FNDC3B: variants seen among roughly 807,000 people sequenced by gnomAD.
The protein encoded by FNDC3B is fibronectin type III domain-containing protein 3B.
Under a neutral mutation model 151.5 loss-of-function variants are expected in FNDC3B, and 12 were observed. The observed-to-expected ratio is 0.08, with a 90% CI of 0.05 to 0.13. The LOEUF is 0.13. Ranked by LOEUF, FNDC3B falls within the 10% of genes least tolerant of loss-of-function variation. The pLI, the probability that FNDC3B is intolerant of heterozygous loss-of-function variation, is 1.00. For synonymous variants in FNDC3B, 528 were observed against 549.0 expected (o/e 0.96, Z 0.54); for missense variants, 1,214 against 1,505.3 (o/e 0.81, Z 3.20).
At chr3:172,209,358 TG>T in intron 3 of FNDC3B, among the ~76,000 whole-genome samples, 1 of 152,076 alleles carries the variant, frequency 6.6e-6, no homozygotes, top group Non-Finnish European at 1.5e-5. Flanking sequence ...TGCTGTTTGG[TG>T]GGTCTCGAGT....
chr3:172,164,845 T>A (rs983895266), intron 3 of FNDC3B, among the ~76,000 whole-genome samples: 2 of 152,246 alleles, frequency 1.3e-5, no homozygotes, highest in Admixed American at 6.5e-5. Context: ...GGTAACAAAT[T>A]ACTGTGTTTA....
intron 3 of FNDC3B, among the ~76,000 whole-genome samples, chr3:172,188,293 C>G (rs890076569): frequency 2.0e-5 from 3 of 152,076 alleles, no homozygotes; most frequent in African/African-American, 4.8e-5. Flanking sequence ...CTGTGCCTGG[C>G]CTTTAAGCAA....
chr3:172,192,900 T>C (rs903321107), intron 3 of FNDC3B, among the ~76,000 whole-genome samples: 7 of 152,016 alleles, frequency 4.6e-5, no homozygotes, highest in African/African-American at 1.2e-4. Flanking sequence ...ACCAACCAGT[T>C]TGAGTTTTTG....
intron 6 of FNDC3B, among the ~76,000 whole-genome samples, chr3:172,257,399 C>A (rs1433004487): frequency 2.6e-5 from 4 of 152,092 alleles, no homozygotes; most frequent in Non-Finnish European, 5.9e-5. Context: ...TAGAACATGT[C>A]ATTTCACTAA....
chr3:172,040,395 C>T lies in FNDC3B; in HGVS notation c.-29+624C>T, dbSNP rs928204843. On this transcript the variant is annotated intron_variant, in intron 1 of 25. Transcript: ENST00000415807. The surrounding 1 kb of genome is among the most constrained non-coding windows in gnomAD (Gnocchi z 6.6). ...GGTCCCGAGCCCGCGCCGGCCTGGC[C>T]CCCCCGTCCCCGGCTGGGCCTCTCC... Among the ~76,000 whole-genome samples, 4 of 151,900 alleles carry T rather than the reference C, an allele frequency of 2.6e-5. No individual in the cohort carries two copies. The highest frequency in any genetic ancestry group is 6.5e-5 in the Admixed American group (1 of 15,268).
At chr3:172,308,948 G>A (rs1731329615) in intron 10 of FNDC3B, among the ~76,000 whole-genome samples, 2 of 152,166 alleles carry the variant, frequency 1.3e-5, no homozygotes, top group Admixed American at 1.3e-4. Flanking sequence ...GGATCCCGGG[G>A]TCTTATAAAC....
intron 4 of FNDC3B, among the ~76,000 whole-genome samples, chr3:172,229,758 A>G (rs140408506): frequency 1.3e-5 from 2 of 152,356 alleles, no homozygotes; most frequent in East Asian, 1.9e-4. Context: ...AGAGATTCAT[A>G]TATATTCTTA....
chr3:172,399,083 T>C lies in FNDC3B; in HGVS notation c.*1608T>C, dbSNP rs1294383257. 2.0e-5 allele frequency: 3 copies of C among 152,676 alleles called. No homozygotes were observed. The highest frequency in any genetic ancestry group is 2.1e-4 in the South Asian group (1 of 4,834). 9.5% of individuals were successfully genotyped at this position (152,676 alleles called of 1,614,324 possible). ...GATCTTTATTGTCTAAGATGCAGTA[T>C]CCTGTACTAGCTTATAATATTCCCA... is the stretch of plus-strand genomic sequence containing the variant. On this transcript the variant is annotated 3_prime_UTR_variant, in exon 26 of 26. Transcript: ENST00000415807.
At chr3:172,140,418 T>C (rs1721567083) in intron 3 of FNDC3B, among the ~76,000 whole-genome samples, 3 of 152,192 alleles carry the variant, frequency 2.0e-5, no homozygotes, top group Admixed American at 2.0e-4. Flanking sequence ...CTTTGTGGAG[T>C]ACTCTTGATC....
intron 3 of FNDC3B, among the ~76,000 whole-genome samples, chr3:172,160,818 A>G (rs577916595): frequency 6.6e-6 from 1 of 152,390 alleles, no homozygotes; most frequent in South Asian, 2.1e-4. Context: ...CACAACTGTC[A>G]TAAATCCAGA....
intron 23 of FNDC3B, among the ~76,000 whole-genome samples, chr3:172,374,530 G>A (rs1735036210): frequency 6.6e-6 from 1 of 152,116 alleles, no homozygotes; most frequent in Non-Finnish European, 1.5e-5. Context: ...GAGTAGCTGG[G>A]ACTACAGGCA....
Position 172,330,411 on chromosome 3 carries a change from T to A in FNDC3B, c.1380-130T>A, listed in dbSNP as rs1732584541. ...GTTATAGGGAATATCACACACAGCATCCTTACCTGGCTTTGCTTACTCTAC... is the reference window on the plus strand; with the variant it reads ...GTTATAGGGAATATCACACACAGCAACCTTACCTGGCTTTGCTTACTCTAC... On this transcript the variant is annotated intron_variant, in intron 12 of 25. Coordinates refer to ENST00000415807, the MANE Select transcript of FNDC3B (RefSeq NM_022763.4). The A allele has an allele frequency of 1.4e-5, 10 of 703,900 alleles. 1 individual carries two copies. In the South Asian group the frequency reaches 2.1e-4, roughly 15 times the overall value. 43.6% of individuals were successfully genotyped at this position (703,900 alleles called of 1,614,324 possible).
intron 17 of FNDC3B, among the ~76,000 whole-genome samples, chr3:172,342,513 A>G (rs1733380171): frequency 6.6e-6 from 1 of 152,240 alleles, no homozygotes; most frequent in South Asian, 2.1e-4. Context: ...CAGATCCTGC[A>G]AAATAAAGGA....
At chr3:172,086,568 T>C (rs535529928) in intron 1 of FNDC3B, among the ~76,000 whole-genome samples, 1 of 152,318 alleles carries the variant, frequency 6.6e-6, no homozygotes, top group South Asian at 2.1e-4. Flanking sequence ...TATGTAAAAA[T>C]TGGCCTAAGT....
At chr3:172,122,855 G>T (rs547174298) in intron 2 of FNDC3B, among the ~76,000 whole-genome samples, 1 of 152,308 alleles carries the variant, frequency 6.6e-6, no homozygotes, top group East Asian at 1.9e-4. Flanking sequence ...AGATCCAGAG[G>T]TAATTGTGGT....
intron 25 of FNDC3B, among the ~76,000 whole-genome samples, chr3:172,384,073 TA>T (rs1416010103): frequency 6.6e-6 from 1 of 152,254 alleles, no homozygotes; most frequent in Non-Finnish European, 1.5e-5. Flanking sequence ...GAGTTTCTGT[TA>T]AATTTCTCAT....
Position 172,112,586 on chromosome 3 carries a change from A to G in FNDC3B, c.107A>G (p.Gln36Arg). 1 of 1,608,348 alleles carries G rather than the reference A, an allele frequency of 6.2e-7. No individual in the cohort carries two copies. Among genetic ancestry groups the G allele is most frequent in the Non-Finnish European group, 8.5e-7 (1 of 1,174,670 alleles). The change falls in exon 2 of 26, where the codon CAG becomes CGG. Residue 36 changes from glutamine (Q) to arginine (R), a missense_variant. Physicochemically the swap from Gln to Arg is conservative, Grantham distance 43. Coordinates refer to ENST00000415807, the MANE Select transcript of FNDC3B (RefSeq NM_022763.4). ...MPHLVNGDAA[Q>R]QVILVQVNPG... is the part of the protein sequence containing the mutation. ...CACTTGGTGAATGGAGATGCAGCTC[A>G]GCAGGTTGGTGTAGGAAGAGGGAAA...
chr3:172,268,312 T>G (rs767776364), intron 6 of FNDC3B, among the ~76,000 whole-genome samples: 10 of 152,190 alleles, frequency 6.6e-5, no homozygotes, highest in Non-Finnish European at 1.3e-4. Context: ...TTGCTGTGGG[T>G]TTCAAAAATT....
intron 4 of FNDC3B, among the ~76,000 whole-genome samples, chr3:172,239,242 G>A (rs1256295491): frequency 6.6e-6 from 1 of 152,032 alleles, no homozygotes; most frequent in African/African-American, 2.4e-5. Context: ...AGCCTGCTTG[G>A]GAGAATCCTG....
Sources: gnomAD v4.1 joint callset for allele counts (sites outside exome capture counted in the v4.1 genomes callset) on GRCh38, gnomAD v4.1.1 for gene constraint, Gnocchi (gnomAD v3.1) non-coding constraint, MANE v1.5 for transcripts, NCBI Gene and HGNC (gene_info 2026-07-23, HGNC 2026-07-21) for gene names.